Variants in EBF1 observed in about 807,000 individuals in gnomAD.
The protein encoded by EBF1 is EBF transcription factor 1, also known as transcription factor COE1.
EBF1 carries 10 observed loss-of-function variants against 68.4 expected under a neutral mutation model. The observed-to-expected ratio is 0.15, with a 90% CI of 0.09 to 0.25. The LOEUF (loss-of-function observed/expected upper bound fraction) is 0.25. Among genes scored for constraint, EBF1 ranks in the 10% least tolerant of loss-of-function variants. The pLI, the probability that EBF1 is intolerant of heterozygous loss-of-function variation, is 1.00. For synonymous variants in EBF1, 298 were observed against 299.8 expected (o/e 0.99, Z 0.06); for missense variants, 509 against 794.4 (o/e 0.64, Z 4.32).
chr5:158,770,814 G>T (rs1460001230), intron 10 of EBF1, among the ~76,000 whole-genome samples: 1 of 152,006 alleles, frequency 6.6e-6, no homozygotes, highest in Non-Finnish European at 1.5e-5. Context: ...GACTGGTCAG[G>T]GCTCTTTTAT....
In EBF1 at chr5:158,816,968, T is replaced by A. The variant is rs185927586; in HGVS notation, c.778+6208A>T. Among the ~76,000 whole-genome samples, 50 of 151,680 alleles carry A rather than the reference T, an allele frequency of 3.3e-4. No homozygotes were observed. In the East Asian group the frequency reaches 9.1e-3, roughly 28 times the overall value. ...AGTTATAAGTAGGTCTGAGCAAACT[T>A]GCCCTGGGCTTTCACCGGATCTGAG... On this transcript the variant is annotated intron_variant, in intron 8 of 15. Transcript: ENST00000313708.
At chr5:158,761,863 T>C (rs752074881) in intron 10 of EBF1, among the ~76,000 whole-genome samples, 67 of 152,222 alleles carry the variant, frequency 4.4e-4, no homozygotes, top group Non-Finnish European at 8.7e-4. Flanking sequence ...TTTATAATTT[T>C]ATACGGGCTC....
chr5:158,699,118 G>A lies in EBF1; in HGVS notation c.1769C>T (p.Pro590Leu). 6.2e-7 allele frequency: 1 copy of A among 1,607,836 alleles called. No homozygotes were observed. Among genetic ancestry groups the A allele is most frequent in the Middle Eastern group, 1.7e-4 (1 of 6,028 alleles). The change falls in exon 16 of 16, where the codon CCT becomes CTT. Residue 590 changes from proline (P) to leucine (L), a missense_variant. By Grantham distance (98) the Pro-to-Leu change is moderately conservative. Coordinates refer to ENST00000313708, the MANE Select transcript of EBF1 (RefSeq NM_024007.5). ...LQAISGMIVP[P>L]M ...TTCTTCAAGGCAATTCTTTCACATA[G>A]GAGGAACAATCATGCCAGATATCGC... is the stretch of plus-strand genomic sequence containing the variant.
intron 7 of EBF1, among the ~76,000 whole-genome samples, chr5:158,826,348 C>A (rs535631896): frequency 6.6e-6 from 1 of 152,110 alleles, no homozygotes; most frequent in Admixed American, 6.5e-5. Context: ...TTAAACTAAA[C>A]GACATTTTAG....
At chr5:159,087,411 CAT>C (rs1780902686) in intron 4 of EBF1, among the ~76,000 whole-genome samples, 1 of 140,780 alleles carries the variant, frequency 7.1e-6, no homozygotes, top group African/African-American at 2.8e-5. Context: ...TATACACACA[CAT>C]ATATACATAT....
intron 6 of EBF1, among the ~76,000 whole-genome samples, chr5:158,975,539 GGC>G (rs1425837028): frequency 6.6e-6 from 1 of 151,824 alleles, no homozygotes; most frequent in East Asian, 1.9e-4. Flanking sequence ...GACAGAGAGA[GGC>G]AGGAAAAAAA....
At chr5:158,784,551 G>T (rs1777044114) in intron 9 of EBF1, among the ~76,000 whole-genome samples, 2 of 152,070 alleles carry the variant, frequency 1.3e-5, no homozygotes, top group African/African-American at 4.8e-5. Context: ...CCAACCAATA[G>T]GAGTAGGTAA....
At chr5:158,877,112 C>T (rs1443221693) in intron 6 of EBF1, among the ~76,000 whole-genome samples, 1 of 152,184 alleles carries the variant, frequency 6.6e-6, no homozygotes, top group Non-Finnish European at 1.5e-5. Context: ...TTTCCTACTG[C>T]ACCCAGATTC....
At chr5:158,810,292 T>G (rs1011144677) in intron 8 of EBF1, among the ~76,000 whole-genome samples, 1 of 152,174 alleles carries the variant, frequency 6.6e-6, no homozygotes, top group Admixed American at 6.5e-5. Flanking sequence ...CAGCACATAG[T>G]AGGTGCTCAG....
At chr5:158,806,074 G>T (rs975045939) in intron 8 of EBF1, among the ~76,000 whole-genome samples, 1 of 152,060 alleles carries the variant, frequency 6.6e-6, no homozygotes, top group Non-Finnish European at 1.5e-5. Context: ...ATCCCTAGAA[G>T]CAGTGAAGTC....
At chr5:158,969,729 C>T (rs534047348) in intron 6 of EBF1, among the ~76,000 whole-genome samples, 3 of 150,230 alleles carry the variant, frequency 2.0e-5, no homozygotes, top group Non-Finnish European at 3.0e-5. Context: ...GAGCTGTAAT[C>T]GTGCCACTGC....
intron 6 of EBF1, among the ~76,000 whole-genome samples, chr5:158,906,495 T>TATA: frequency 6.6e-6 from 1 of 152,230 alleles, no homozygotes; most frequent in Non-Finnish European, 1.5e-5. Flanking sequence ...CAGTGTTTAT[T>TATA]ATGTGTGGAG....
intron 6 of EBF1, among the ~76,000 whole-genome samples, chr5:158,922,173 G>C (rs1808580187): frequency 6.6e-6 from 1 of 152,210 alleles, no homozygotes; most frequent in South Asian, 2.1e-4. Context: ...CTGTGCCGTT[G>C]ACATATATTG....
chr5:158,700,981 CA>C (rs1237117717), intron 15 of EBF1, among the ~76,000 whole-genome samples: 2 of 152,152 alleles, frequency 1.3e-5, no homozygotes, highest in African/African-American at 4.8e-5. Flanking sequence ...CTCAGTATTT[CA>C]ATCCAAGCCT....
chr5:159,047,007 A>G (rs1772552087), intron 6 of EBF1, among the ~76,000 whole-genome samples: 1 of 152,210 alleles, frequency 6.6e-6, no homozygotes, highest in Non-Finnish European at 1.5e-5. Context: ...TTTTCATCCA[A>G]TAACTCATTC....
intron 10 of EBF1, among the ~76,000 whole-genome samples, chr5:158,757,111 G>A (rs1218069756): frequency 6.6e-6 from 1 of 152,104 alleles, no homozygotes; most frequent in Admixed American, 6.6e-5. Flanking sequence ...CCAGATGTCA[G>A]TGTGGTGGTA....
intron 3 of EBF1, 96 bp from the exon 4 acceptor site, chr5:159,095,771 C>G: frequency 1.6e-6 from 2 of 1,290,204 alleles, no homozygotes; most frequent in Admixed American, 3.9e-5. Flanking sequence ...AACAACAAAA[C>G]CCCCACACAC....
chr5:158,748,679 A>T (rs1050375480), intron 10 of EBF1, among the ~76,000 whole-genome samples: 11 of 152,118 alleles, frequency 7.2e-5, no homozygotes, highest in Non-Finnish European at 1.2e-4. Context: ...TTCACAACCA[A>T]ACGAGCGTTC....
At chr5:158,780,250 G>A (rs931190184) in intron 9 of EBF1, among the ~76,000 whole-genome samples, 2 of 152,126 alleles carry the variant, frequency 1.3e-5, no homozygotes, top group African/African-American at 4.8e-5. Flanking sequence ...TGGTGGCTCC[G>A]AAAATTGACC....
Sources: allele counts gnomAD v4.1 joint callset (sites outside exome capture counted in the v4.1 genomes callset), GRCh38; gene constraint gnomAD v4.1.1; transcripts MANE v1.5; gene names NCBI Gene and HGNC (gene_info 2026-07-23, HGNC 2026-07-21).